The following ZNRF2 variants were observed in gnomAD, a reference collection of about 807,000 sequenced individuals.
The protein encoded by ZNRF2 is zinc and ring finger 2, also known as E3 ubiquitin-protein ligase ZNRF2.
ZNRF2 carries 16 observed loss-of-function variants against 20.4 expected under a neutral mutation model. The observed-to-expected ratio is 0.79, with a 90% CI of 0.53 to 1.19. ZNRF2 has a LOEUF of 1.19. Ranked by LOEUF, ZNRF2 falls within the 50% of genes most tolerant of loss-of-function variation. The pLI is 0.00. For synonymous variants in ZNRF2, 178 were observed against 144.9 expected (o/e 1.23, Z -1.64); for missense variants, 363 against 332.4 (o/e 1.09, Z -0.72).
At chr7:30,358,803 C>T (rs2127957248) in intron 3 of ZNRF2, among the ~76,000 whole-genome samples, 1 of 152,324 alleles carries the variant, frequency 6.6e-6, no homozygotes, top group South Asian at 2.1e-4. Flanking sequence ...TCAAGACACT[C>T]AGCATTTGAA....
At chr7:30,338,559 AATG>A (rs1347165324) in intron 2 of ZNRF2, among the ~76,000 whole-genome samples, 4 of 151,666 alleles carry the variant, frequency 2.6e-5, no homozygotes, top group Non-Finnish European at 4.4e-5. Flanking sequence ...GTTTGCTGAG[AATG>A]ATGGTTTCCA....
intron 3 of ZNRF2, 94 bp downstream of exon 3, chr7:30,355,927 C>T: frequency 1.2e-6 from 1 of 817,136 alleles, no homozygotes. Flanking sequence ...TTGAAACCAC[C>T]CCCTCCCTGT....
chr7:30,291,535 G>A (rs1414849644), intron 1 of ZNRF2, among the ~76,000 whole-genome samples: 1 of 152,192 alleles, frequency 6.6e-6, no homozygotes, highest in Non-Finnish European at 1.5e-5. Context: ...GAGAAGAAAA[G>A]TTAGATTTGA....
At position 30,367,178 on chromosome 7, in the gene ZNRF2, T is replaced by C. The variant is rs901715428; in HGVS notation, c.*1166T>C. 6.6e-6 allele frequency: 1 copy of C among 152,556 alleles called. No individual in the cohort carries two copies. The highest frequency in any genetic ancestry group is 1.5e-5 in the Non-Finnish European group (1 of 67,950). The allele number at this position is 152,556 out of a possible 1,614,324, so 9.5% of individuals were successfully genotyped here. A position where few individuals can be genotyped will look rare whatever the true frequency, so the allele number is the denominator to read the frequency against. Reference sequence around the variant, plus strand: ...TTTTAAAGTAGATATGAAGATTTTGTTAATTTATAATTTATTCATGTGTTA... The same window carrying C: ...TTTTAAAGTAGATATGAAGATTTTGCTAATTTATAATTTATTCATGTGTTA... On this transcript the variant is annotated 3_prime_UTR_variant, in exon 5 of 5. Coordinates refer to ENST00000323037, the MANE Select transcript of ZNRF2 (RefSeq NM_147128.4).
intron 1 of ZNRF2, among the ~76,000 whole-genome samples, chr7:30,291,623 G>T (rs1478133394): frequency 2.6e-5 from 4 of 152,168 alleles, no homozygotes; most frequent in East Asian, 1.9e-4. Flanking sequence ...AAGATGAAAA[G>T]AACAAGTTTT....
chr7:30,297,927 T>C (rs1472089936), intron 1 of ZNRF2, among the ~76,000 whole-genome samples: 1 of 152,074 alleles, frequency 6.6e-6, no homozygotes, highest in East Asian at 1.9e-4. Flanking sequence ...TGTAGTCGTG[T>C]GATCCTAGCT....
intron 2 of ZNRF2, among the ~76,000 whole-genome samples, chr7:30,330,744 A>G (rs1370739959): frequency 2.0e-5 from 3 of 151,338 alleles, no homozygotes; most frequent in Non-Finnish European, 4.4e-5. Flanking sequence ...GCTTTCTGAA[A>G]TTGGCATTTT....
intron 1 of ZNRF2, among the ~76,000 whole-genome samples, chr7:30,286,407 C>T (rs189266062): frequency 7.9e-5 from 12 of 152,284 alleles, no homozygotes. Flanking sequence ...CACTAAACTG[C>T]TACTTAAGAT....
At chr7:30,298,722 C>T (rs1422708958) in intron 1 of ZNRF2, among the ~76,000 whole-genome samples, 1 of 152,086 alleles carries the variant, frequency 6.6e-6, no homozygotes, top group African/African-American at 2.4e-5. Context: ...AGTAGAGTGC[C>T]AGGGTTGGGG....
intron 1 of ZNRF2, among the ~76,000 whole-genome samples, chr7:30,320,817 T>C (rs1184615994): frequency 6.6e-6 from 1 of 152,248 alleles, no homozygotes; most frequent in Non-Finnish European, 1.5e-5. Flanking sequence ...ATTATTTGTC[T>C]TTGGAATTTG....
chr7:30,341,733 C>G (rs530151773), intron 2 of ZNRF2, among the ~76,000 whole-genome samples: 1 of 152,172 alleles, frequency 6.6e-6, no homozygotes, highest in African/African-American at 2.4e-5. Flanking sequence ...ATGTCTCTTA[C>G]GTCAGCTTGG....
rs60218988 is a variant in ZNRF2 at position 30,316,288 on chromosome 7, C to CAAAAAAAAAAAAAAA, written c.470-7336_470-7322dup. Among the ~76,000 whole-genome samples the CAAAAAAAAAAAAAAA allele has an allele frequency of 6.9e-4, 19 of 27,500 alleles. 1 individual carries two copies. The highest frequency in any genetic ancestry group is 1.4e-3 in the Admixed American group (2 of 1,438). The allele number at this position is 27,500 out of a possible 152,430, so 18.0% of individuals were successfully genotyped here. On this transcript the variant is annotated intron_variant, in intron 1 of 4. Coordinates refer to ENST00000323037, the MANE Select transcript of ZNRF2 (RefSeq NM_147128.4). ...GGGCAACAAGAGCGAAACTCCATCTCAAAAAAAAAAAAAAAAAAAAAAAAA... is the reference window on the plus strand; with the variant it reads ...GGGCAACAAGAGCGAAACTCCATCTCAAAAAAAAAAAAAAAAAAAAAAAAAAAAAAAAAAAAAAAA...
At chr7:30,338,054 T>TTGAA (rs1799742852) in intron 2 of ZNRF2, among the ~76,000 whole-genome samples, 1 of 152,172 alleles carries the variant, frequency 6.6e-6, no homozygotes, top group East Asian at 1.9e-4. Flanking sequence ...ACGACCTTCA[T>TTGAA]CATTCTTTAC....
intron 1 of ZNRF2, among the ~76,000 whole-genome samples, chr7:30,290,963 A>G (rs13310771): frequency 3.3e-5 from 5 of 152,244 alleles, no homozygotes; most frequent in Non-Finnish European, 7.3e-5. Flanking sequence ...AGATGGATAT[A>G]TGTGATCATT....
intron 1 of ZNRF2, among the ~76,000 whole-genome samples, chr7:30,317,944 G>A (rs1799403411): frequency 6.6e-6 from 1 of 152,144 alleles, no homozygotes; most frequent in African/African-American, 2.4e-5. Context: ...CCATTCCTCT[G>A]TCACTGATTC....
rs1022088723 is a variant in ZNRF2 at position 30,285,187 on chromosome 7, G to T, written c.-171G>T. 2.7e-5 allele frequency: 12 copies of T among 442,918 alleles called. No individual in the cohort carries two copies. Among genetic ancestry groups the T allele is most frequent in the African/African-American group, 6.5e-5 (3 of 45,830 alleles). The allele number at this position is 442,918 out of a possible 1,614,324, so 27.4% of individuals were successfully genotyped here. A position where few individuals can be genotyped will look rare whatever the true frequency, so the allele number is the denominator to read the frequency against. On this transcript the variant is annotated 5_prime_UTR_variant, in exon 1 of 5. Coordinates refer to ENST00000323037, the MANE Select transcript of ZNRF2 (RefSeq NM_147128.4). ...GGCCTCGCCCGCCGCCCCAAGAAGA[G>T]CGCGCCGGGCGCCGACTGCCCCTCT... is the stretch of plus-strand genomic sequence containing the variant.
intron 3 of ZNRF2, among the ~76,000 whole-genome samples, chr7:30,358,793 TC>T (rs1449512535): frequency 3.9e-5 from 6 of 152,202 alleles, no homozygotes; most frequent in African/African-American, 1.4e-4. Flanking sequence ...GACTTTGAAG[TC>T]AAGACACTCA....
At chr7:30,322,605 T>C (rs1213976772) in intron 1 of ZNRF2, among the ~76,000 whole-genome samples, 1 of 152,192 alleles carries the variant, frequency 6.6e-6, no homozygotes, top group Non-Finnish European at 1.5e-5. Flanking sequence ...CTTTTGACCT[T>C]TCTGCTTAAG....
Position 30,303,110 on chromosome 7 carries a change from G to A in ZNRF2, c.469+17284G>A, listed in dbSNP as rs150247613. Among the ~76,000 whole-genome samples, 577 of 151,900 alleles carry A rather than the reference G, an allele frequency of 3.8e-3. 4 individuals carry two copies. The highest frequency in any genetic ancestry group is 0.013 in the African/African-American group (542 of 41,398). The stretch of plus-strand genomic sequence containing the variant: ...AGCCTGGGCAACATGGAAAAACCCC[G>A]TCTCTACCAAAAATAGAAAACAATT... On this transcript the variant is annotated intron_variant, in intron 1 of 4. Transcript: ENST00000323037.
Sources: allele counts gnomAD v4.1 joint callset (sites outside exome capture counted in the v4.1 genomes callset), GRCh38; gene constraint gnomAD v4.1.1; transcripts MANE v1.5; gene names NCBI Gene and HGNC (gene_info 2026-07-23, HGNC 2026-07-21).